Variants in GREB1 observed in about 807,000 individuals in gnomAD.
GREB1 encodes the protein protein GREB1.
A neutral mutation model predicts 200.7 loss-of-function variants in GREB1; 106 were observed. The observed-to-expected ratio is 0.53, with a 90% CI of 0.45 to 0.62. The LOEUF is 0.62. Among genes scored for constraint, GREB1 ranks in the 20% least tolerant of loss-of-function variants. GREB1 has a pLI of 0.00. For synonymous variants in GREB1, 1,132 were observed against 1,092.4 expected (o/e 1.04, Z -0.72); for missense variants, 2,243 against 2,556.8 (o/e 0.88, Z 2.65).
rs1685733241 is a variant in GREB1 at position 11,640,408 on chromosome 2, C to T, written c.5804C>T (p.Ala1935Val). 1.2e-6 allele frequency: 2 copies of T among 1,614,074 alleles called. No individual in the cohort carries two copies. Among genetic ancestry groups the T allele is most frequent in the Admixed American group, 1.7e-5 (1 of 59,998 alleles). Residue 1935 changes from alanine to valine, a missense_variant, in exon 33 of 33, where the codon GCC (alanine) becomes GTC (valine). Coordinates refer to ENST00000381486, the MANE Select transcript of GREB1 (RefSeq NM_014668.4). The surrounding 1 kb of genome is among the most constrained non-coding windows in gnomAD (Gnocchi z 4.6). The stretch of plus-strand genomic sequence containing the variant: ...CGCGATGAGTTCCAGACCGCCAATG[C>T]CAGGGAAGACCGGCCGCTCTTTTTT... ...RLRDEFQTAN[A>V]REDRPLFFLT...
chr2:11,504,434 T>C (rs1171400877), intron 1 of GREB1, among the ~76,000 whole-genome samples: 2 of 152,216 alleles, frequency 1.3e-5, no homozygotes, highest in African/African-American at 4.8e-5. Context: ...CTCACTATGT[T>C]GAAGCGATTT....
chr2:11,598,596 G>A (rs555263852), intron 14 of GREB1, 84 bp from the exon 15 acceptor site: 13 of 1,210,338 alleles, frequency 1.1e-5, no homozygotes, highest in Non-Finnish European at 1.6e-5. Context: ...CTGCTGTGTA[G>A]GAGTCGCTCC....
rs1198445572 is a variant in GREB1 at position 11,556,708 on chromosome 2, G to C, written c.94G>C (p.Val32Leu). The C allele has an allele frequency of 1.4e-5, 22 of 1,613,984 alleles. No homozygotes were observed. The highest frequency in any genetic ancestry group is 1.9e-5 in the Non-Finnish European group (22 of 1,179,992). Residue 32 changes from valine to leucine, a missense_variant, in exon 2 of 33, where the codon GTG becomes CTG. By Grantham distance (32) the Val-to-Leu change is conservative. Around this residue, in one of 3 missense-constraint regions of GREB1, gnomAD observed 1,178 missense variants for 1,387.4 expected, o/e 0.85. Coordinates refer to ENST00000381486, the MANE Select transcript of GREB1 (RefSeq NM_014668.4). ...IEASLRSNNL[V>L]PRPIFSQLYL... is the part of the protein sequence containing the mutation. ...GGCATCCCTGCGGTCCAACAACCTG[G>C]TGCCCAGGCCCATCTTTTCCCAGCT...
chr2:11,538,650 TTTCTTTCTTTC>T (rs1674426570), intron 1 of GREB1, among the ~76,000 whole-genome samples: 1 of 23,662 alleles, frequency 4.2e-5, no homozygotes, highest in Admixed American at 4.5e-4. Context: ...TCTTTCTTTC[TTTCTTTCTTTC>T]TTTCTTTCTT....
chr2:11,577,200 G>A (rs936885407), intron 5 of GREB1, among the ~76,000 whole-genome samples: 2 of 152,012 alleles, frequency 1.3e-5, no homozygotes, highest in Non-Finnish European at 2.9e-5. Context: ...CCTAGGGAAC[G>A]TGTGGCCATA....
intron 1 of GREB1, among the ~76,000 whole-genome samples, chr2:11,498,102 A>G (rs562812563): frequency 5.6e-5 from 8 of 143,908 alleles, no homozygotes; most frequent in East Asian, 2.0e-4. Context: ...AGAGCAAAAC[A>G]TTTTAATTTT....
rs1430496837 is a variant in GREB1 at position 11,576,497 on chromosome 2, C to G, written c.599C>G (p.Thr200Ser). ...TACCTGGTCCGTAATGCACAAGGGA[C>G]TCTAACCAAAGGACCTTTAATCTGT... is the stretch of plus-strand genomic sequence containing the variant. ...KYYLVRNAQG[T>S]LTKGPLICWK... is the part of the protein sequence containing the mutation. Residue 200 changes from threonine (T) to serine (S), a missense_variant, in exon 5 of 33, where the codon ACT becomes AGT. Around this residue, in one of 3 missense-constraint regions of GREB1, gnomAD observed 1,178 missense variants for 1,387.4 expected, o/e 0.85. Coordinates refer to ENST00000381486, the MANE Select transcript of GREB1 (RefSeq NM_014668.4). 2 of 1,613,896 alleles carry G rather than the reference C, an allele frequency of 1.2e-6. No homozygotes were observed. Among genetic ancestry groups the G allele is most frequent in the South Asian group, 2.2e-5 (2 of 90,970 alleles).
chr2:11,616,761 AT>A, intron 21 of GREB1, 41 bp downstream of exon 21: 2 of 1,230,490 alleles, frequency 1.6e-6, no homozygotes, highest in Non-Finnish European at 2.4e-6. Flanking sequence ...CAGCAGACTG[AT>A]TTTTGAGGTT....
chr2:11,613,964 G>C (rs538458173), intron 19 of GREB1, among the ~76,000 whole-genome samples: 1 of 152,240 alleles, frequency 6.6e-6, no homozygotes, highest in East Asian at 1.9e-4. Flanking sequence ...GTCTGAGCAC[G>C]GGGTTGGCCT....
At chr2:11,578,242 C>A in intron 5 of GREB1, 55 bp from the exon 6 acceptor site, 1 of 1,576,096 alleles carries the variant, frequency 6.3e-7, no homozygotes, top group Non-Finnish European at 8.7e-7. Context: ...GAACTCATTT[C>A]GTAGTTGTTG....
At chr2:11,639,446 TC>T (rs1685648321) in intron 32 of GREB1, among the ~76,000 whole-genome samples, 1 of 152,210 alleles carries the variant, frequency 6.6e-6, no homozygotes, top group African/African-American at 2.4e-5. Context: ...TTGCTGACAC[TC>T]TTCCTCCTGG....
chr2:11,612,302 A>T (rs2148316951), intron 18 of GREB1, 193 bp from the exon 19 acceptor site: 1 of 1,318,360 alleles, frequency 7.6e-7, no homozygotes, highest in South Asian at 1.6e-5. Flanking sequence ...GCTAATCTCC[A>T]TGTTCTAGCC....
chr2:11,618,343 G>C lies in GREB1; in HGVS notation c.3468G>C (p.Glu1156Asp). ...SAQPTALPQG[E>D]HARSPQPRGP... is the part of the protein sequence containing the mutation. ...AGCCCACAGCACTCCCCCAGGGAGAGCATGCCAGGTCGCCCCAGCCCCGTG... is the reference window on the plus strand; with the variant it reads ...AGCCCACAGCACTCCCCCAGGGAGACCATGCCAGGTCGCCCCAGCCCCGTG... The change falls in exon 22 of 33, where the codon GAG becomes GAC. Residue 1156 changes from glutamate to aspartate, a missense_variant. By Grantham distance (45) the Glu-to-Asp change is conservative. Around this residue, in one of 3 missense-constraint regions of GREB1, gnomAD observed 587 missense variants for 553.1 expected, o/e 1.06. Coordinates refer to ENST00000381486, the MANE Select transcript of GREB1 (RefSeq NM_014668.4). 1.2e-6 allele frequency: 2 copies of C among 1,606,382 alleles called. No individual in the cohort carries two copies. The highest frequency in any genetic ancestry group is 1.7e-6 in the Non-Finnish European group (2 of 1,175,906).
At chr2:11,553,053 A>G (rs1226349516) in intron 1 of GREB1, among the ~76,000 whole-genome samples, 2 of 151,206 alleles carry the variant, frequency 1.3e-5, no homozygotes, top group Non-Finnish European at 2.9e-5. Context: ...TACTGTTGCA[A>G]TGCCTCCTCA....
In GREB1 at chr2:11,548,868, TTTGA is replaced by T. The variant is rs1446059994; in HGVS notation, c.-161-7583_-161-7580del. On this transcript the variant is annotated intron_variant, in intron 1 of 32. Transcript: ENST00000381486. This position sits in a 1 kb window ranked among gnomAD's most constrained non-coding sequence, Gnocchi z 5.1. ...GAAAATGGTTTTACTCTACTCTCAC[TTTGA>T]TTATTATTTTTGTTGAGTATTCTAG... 1.3e-5 allele frequency among the ~76,000 whole-genome samples: 2 copies of T among 152,194 alleles called. No individual in the cohort carries two copies. Among genetic ancestry groups the T allele is most frequent in the Non-Finnish European group, 2.9e-5 (2 of 68,034 alleles).
chr2:11,484,801 G>A (rs1003868158), intron 1 of GREB1, among the ~76,000 whole-genome samples: 1 of 152,162 alleles, frequency 6.6e-6, no homozygotes, highest in Non-Finnish European at 1.5e-5. Context: ...ACTAAATTCT[G>A]TCTTGGCCTT....
rs776722252 is a variant in GREB1, at chr2:11,625,296, G to C, written c.4290G>C (p.Gln1430His). The C allele has an allele frequency of 9.9e-6, 16 of 1,614,052 alleles. No individual in the cohort carries two copies. The highest frequency in any genetic ancestry group is 1.6e-4 in the Middle Eastern group (1 of 6,082). The change falls in exon 24 of 33, where the codon CAG (glutamine) becomes CAC (histidine). Residue 1430 changes from glutamine (Q) to histidine (H), a missense_variant. By Grantham distance (24) the Gln-to-His change is conservative. Transcript: ENST00000381486. ...EDASLICSHY[Q>H]GIKSEDRGMS... ...CCAGCCTGATTTGTTCGCACTATCA[G>C]GGTATAAAGAGTGAAGGTCAGACTT...
intron 7 of GREB1, among the ~76,000 whole-genome samples, chr2:11,582,908 G>A (rs1256174162): frequency 6.6e-6 from 1 of 152,214 alleles, no homozygotes; most frequent in Admixed American, 6.5e-5. Context: ...GGGGGCGGGG[G>A]TAGGAAATGT....
chr2:11,489,095 T>C (rs4669733), intron 1 of GREB1, among the ~76,000 whole-genome samples: 151,912 of 152,238 alleles, frequency 1, 75,797 homozygotes, highest in Middle Eastern at 1. Context: ...AGGGAACTTA[T>C]GAAACTCTGG....
Sources: allele counts gnomAD v4.1 joint callset (sites outside exome capture counted in the v4.1 genomes callset), GRCh38; gene constraint gnomAD v4.1.1; regional missense constraint gnomAD v4.1.1; non-coding constraint Gnocchi (gnomAD v3.1); transcripts MANE v1.5; gene names NCBI Gene and HGNC (gene_info 2026-07-23, HGNC 2026-07-21).